STAG1: variants seen among roughly 807,000 people sequenced by gnomAD.
The protein encoded by STAG1 is cohesin subunit SA-1.
In STAG1, 26 loss-of-function variants were observed where a neutral mutation model predicts 170.9. The observed-to-expected ratio is 0.15, with a 90% CI of 0.11 to 0.21. STAG1 has a LOEUF of 0.21. Ranked by LOEUF, STAG1 falls within the 10% of genes least tolerant of loss-of-function variation. The probability of loss-of-function intolerance (pLI) is 1.00; values close to 1 mark genes in which losing one functional copy is unlikely to be tolerated. For synonymous variants in STAG1, 514 were observed against 497.7 expected (o/e 1.03, Z -0.44); for missense variants, 964 against 1,509.5 (o/e 0.64, Z 5.99).
intron 9 of STAG1, chr3:136,499,734 T>C (rs1486246517): frequency 6.6e-6 from 1 of 152,266 alleles, no homozygotes; most frequent in African/African-American, 2.4e-5. Context: ...TCAATGTGTT[T>C]ATCTGAAAGG....
chr3:136,352,286 C>T (rs1046060782), intron 28 of STAG1, among the ~76,000 whole-genome samples: 8 of 152,096 alleles, frequency 5.3e-5, no homozygotes, highest in Non-Finnish European at 1.2e-4. Context: ...CTCAGCCTCC[C>T]GAGTAGCTGG....
At position 136,376,872 on chromosome 3, in the gene STAG1, C is replaced by G. The variant is rs372320262; in HGVS notation, c.2370+788G>C. 4.8e-4 allele frequency among the ~76,000 whole-genome samples: 73 copies of G among 151,878 alleles called. No homozygotes were observed. In the East Asian group the frequency reaches 8.5e-3, roughly 18 times the overall value. ...ATGGCGCGATCTTGGCTCACTGCAACCTCTGTCTCCCGGGTTCATGCGATT... is the reference window on the plus strand; with the variant it reads ...ATGGCGCGATCTTGGCTCACTGCAAGCTCTGTCTCCCGGGTTCATGCGATT... On this transcript the variant is annotated intron_variant, in intron 23 of 33. Transcript: ENST00000383202.
chr3:136,625,734 C>T (rs995339096), intron 2 of STAG1, among the ~76,000 whole-genome samples: 1 of 152,164 alleles, frequency 6.6e-6, no homozygotes, highest in South Asian at 2.1e-4. Context: ...ATCACCACTC[C>T]CCATGATAAT....
intron 28 of STAG1, among the ~76,000 whole-genome samples, chr3:136,354,743 G>A: frequency 8.4e-4 from 1 of 1,190 alleles, no homozygotes; most frequent in East Asian, 0.031. Flanking sequence ...AGGCAGTAAA[G>A]GAGAAAGAAC....
intron 22 of STAG1, among the ~76,000 whole-genome samples, chr3:136,395,572 G>T (rs1387650343): frequency 6.6e-6 from 1 of 152,220 alleles, no homozygotes; most frequent in South Asian, 2.1e-4. Context: ...AGTGAGTCAA[G>T]ATTGCACCAC....
chr3:136,498,231 T>TA (rs1389555862), intron 9 of STAG1, among the ~76,000 whole-genome samples: 1 of 57,854 alleles, frequency 1.7e-5, no homozygotes, highest in African/African-American at 9.4e-5. Flanking sequence ...TATATATATA[T>TA]ATACACATAC....
rs188464092 is a variant in STAG1, at chr3:136,575,094, T to A, written c.298-6233A>T. Among the ~76,000 whole-genome samples, 10 of 152,332 alleles carry A rather than the reference T, an allele frequency of 6.6e-5. No individual in the cohort carries two copies. In the East Asian group the frequency reaches 1.9e-3, roughly 29 times the overall value. ...AACTGAATAAAAACATCTCAAAAACTGTTGAATCCACCTACAGTAGTGTTT... is the reference window on the plus strand; with the variant it reads ...AACTGAATAAAAACATCTCAAAAACAGTTGAATCCACCTACAGTAGTGTTT... On this transcript the variant is annotated intron_variant, in intron 4 of 33. Coordinates refer to ENST00000383202, the MANE Select transcript of STAG1 (RefSeq NM_005862.3).
At position 136,521,353 on chromosome 3, in the gene STAG1, C is replaced by A; in HGVS notation, c.536G>T (p.Cys179Phe). 3.1e-6 allele frequency: 5 copies of A among 1,613,692 alleles called. No individual in the cohort carries two copies. The highest frequency in any genetic ancestry group is 4.2e-6 in the Non-Finnish European group (5 of 1,179,772). The part of the protein sequence containing the change: ...PQWKKFRSNF[C>F]EFIGVLIRQC... Reference sequence around the variant, plus strand: ...TCGAATCAGGACTCCAATAAATTCACAAAAGTTTGAACGAAATTTTTTCCA... The same window carrying A: ...TCGAATCAGGACTCCAATAAATTCAAAAAAGTTTGAACGAAATTTTTTCCA... The change falls in exon 7 of 34, where the codon TGT becomes TTT. Residue 179 changes from cysteine to phenylalanine, a missense_variant. Transcript: ENST00000383202.
intron 4 of STAG1, among the ~76,000 whole-genome samples, chr3:136,592,322 G>C (rs1559897020): frequency 6.6e-6 from 1 of 152,126 alleles, no homozygotes; most frequent in Admixed American, 6.6e-5. Flanking sequence ...ATGACAGTGA[G>C]TGAGTCCTCA....
At chr3:136,661,185 T>C (rs1941567517) in intron 1 of STAG1, among the ~76,000 whole-genome samples, 1 of 152,228 alleles carries the variant, frequency 6.6e-6, no homozygotes. Flanking sequence ...GTTGTATTCA[T>C]AAAGTATTTA....
chr3:136,710,854 G>C (rs542102284), intron 1 of STAG1, among the ~76,000 whole-genome samples: 7 of 152,016 alleles, frequency 4.6e-5, no homozygotes, highest in African/African-American at 1.7e-4. Context: ...ACTTTACCCA[G>C]TCCTGCTTGA....
At chr3:136,393,434 G>C (rs921931572) in intron 22 of STAG1, among the ~76,000 whole-genome samples, 1 of 152,084 alleles carries the variant, frequency 6.6e-6, no homozygotes. Context: ...TTGAACCTGG[G>C]AGACGGAGCT....
intron 7 of STAG1, among the ~76,000 whole-genome samples, chr3:136,514,314 C>T (rs1400996918): frequency 6.6e-6 from 1 of 152,176 alleles, no homozygotes; most frequent in Admixed American, 6.5e-5. Flanking sequence ...TGAAAAAATG[C>T]TCATCATCAC....
chr3:136,406,997 T>C (rs1008048939), intron 21 of STAG1, among the ~76,000 whole-genome samples: 1 of 152,084 alleles, frequency 6.6e-6, no homozygotes. Flanking sequence ...ATATTAACAG[T>C]GTGGTGTAGA....
chr3:136,652,418 C>G (rs1451082711), intron 1 of STAG1, among the ~76,000 whole-genome samples: 1 of 152,184 alleles, frequency 6.6e-6, no homozygotes, highest in Non-Finnish European at 1.5e-5. Flanking sequence ...GCAGGATAAA[C>G]TAAGACTGAC....
intron 1 of STAG1, among the ~76,000 whole-genome samples, chr3:136,683,021 C>CA (rs1372315646): frequency 1.3e-5 from 2 of 152,006 alleles, no homozygotes; most frequent in Non-Finnish European, 2.9e-5. Context: ...CACAAATATA[C>CA]AAATATTATA....
intron 2 of STAG1, among the ~76,000 whole-genome samples, chr3:136,626,606 C>A (rs1214147120): frequency 3.3e-5 from 5 of 152,230 alleles, no homozygotes; most frequent in Non-Finnish European, 7.3e-5. Context: ...GGCATCTGAA[C>A]CACTAGCAGT....
chr3:136,500,699 C>T (rs922315553), intron 8 of STAG1, among the ~76,000 whole-genome samples: 16 of 152,154 alleles, frequency 1.1e-4, no homozygotes, highest in African/African-American at 3.9e-4. Flanking sequence ...AAAGTAACTT[C>T]CTACTCCATC....
intron 1 of STAG1, among the ~76,000 whole-genome samples, chr3:136,666,313 G>C (rs999816839): frequency 6.6e-6 from 1 of 151,934 alleles, no homozygotes; most frequent in Admixed American, 6.6e-5. Flanking sequence ...GGTCTTATAA[G>C]ACTCTTAAGC....
Sources: gnomAD v4.1 joint callset for allele counts (sites outside exome capture counted in the v4.1 genomes callset) on GRCh38, gnomAD v4.1.1 for gene constraint, MANE v1.5 for transcripts, NCBI Gene and HGNC (gene_info 2026-07-23, HGNC 2026-07-21) for gene names.